The following SI variants were observed in gnomAD, a reference collection of about 807,000 sequenced individuals.
SI encodes sucrase-isomaltase, intestinal.
In SI, 235 loss-of-function variants were observed where a neutral mutation model predicts 253.3. The observed-to-expected ratio is 0.93, with a 90% CI of 0.83 to 1.03. The LOEUF (loss-of-function observed/expected upper bound fraction) is 1.03. Ranked by LOEUF, SI falls within the 50% of genes least tolerant of loss-of-function variation. SI has a pLI of 0.00. For missense variants in SI, 2,442 were observed against 2,211.1 expected (o/e 1.10, Z -2.09); for synonymous variants, 819 against 712.0 (o/e 1.15, Z -2.39).
Position 164,979,125 on chromosome 3 carries a change from A to G in SI, c.*237T>C. 2.2e-6 allele frequency: 1 copy of G among 454,884 alleles called. No homozygotes were observed. Among genetic ancestry groups the G allele is most frequent in the South Asian group, 3.3e-5 (1 of 30,688 alleles). The allele number at this position is 454,884 out of a possible 1,614,324, so 28.2% of individuals were successfully genotyped here. A position where few individuals can be genotyped will look rare whatever the true frequency, so the allele number is the denominator to read the frequency against. ...AGTTTACAATTGTAGCTGATACTTA[A>G]CAAGGATAAATAGGGCTATTCAAAT... On this transcript the variant is annotated 3_prime_UTR_variant, in exon 48 of 48. Transcript: ENST00000264382.
At chr3:165,084,134 T>TA in the SI span, among the ~76,000 whole-genome samples, 1 of 151,944 alleles carries the variant, frequency 6.6e-6, no homozygotes. Flanking sequence ...TGCTTTTCTA[T>TA]AAAAAAGGCC....
At chr3:165,038,324 T>G (rs2108214543) in intron 20 of SI, among the ~76,000 whole-genome samples, 1 of 152,130 alleles carries the variant, frequency 6.6e-6, no homozygotes, top group African/African-American at 2.4e-5. Flanking sequence ...AGTTTATGCC[T>G]TTAGGAAGGA....
intron 13 of SI, among the ~76,000 whole-genome samples, chr3:165,050,675 T>C (rs573935627): frequency 2.0e-5 from 3 of 152,264 alleles, no homozygotes; most frequent in East Asian, 3.9e-4. Context: ...AGGACTTCTA[T>C]AAGCCTTATT....
intron 3 of SI, among the ~76,000 whole-genome samples, chr3:165,070,279 T>TTATATACATATATAATTATATATGTA (rs1450361269): frequency 9.0e-4 from 117 of 129,556 alleles, no homozygotes; most frequent in African/African-American, 3.1e-3. Context: ...ACATATATGA[T>TTATATACATATATAATTATATATGTA]TATATACATA....
At position 165,063,596 on chromosome 3, in the gene SI, G is replaced by A. The variant is rs537980076; in HGVS notation, c.808-55C>T. The A allele has an allele frequency of 3.1e-3, 2,404 of 783,950 alleles. 11 individuals carry two copies. The highest frequency in any genetic ancestry group is 4.9e-3 in the Non-Finnish European group (2,215 of 455,588). 48.6% of individuals were successfully genotyped at this position (783,950 alleles called of 1,614,324 possible). A position where few individuals can be genotyped will look rare whatever the true frequency, so the allele number is the denominator to read the frequency against. ...TTCAAATATGTTTAAAACACAAAAAGATTATATATTTTATATGCTCTTCAT... is the reference window on the plus strand; with the variant it reads ...TTCAAATATGTTTAAAACACAAAAAAATTATATATTTTATATGCTCTTCAT... On this transcript the variant is annotated intron_variant, in intron 7 of 47. Transcript: ENST00000264382.
chr3:165,066,665 G>A (rs1224977760), intron 6 of SI, among the ~76,000 whole-genome samples: 1 of 151,654 alleles, frequency 6.6e-6, no homozygotes, highest in Non-Finnish European at 1.5e-5. Flanking sequence ...AACATATAAG[G>A]GAGATCATAC....
intron 24 of SI, 94 bp from the exon 25 acceptor site, chr3:165,030,961 A>G: frequency 6.9e-7 from 1 of 1,445,034 alleles, no homozygotes; most frequent in Non-Finnish European, 9.1e-7. Context: ...GATGATTTAA[A>G]AAAACATTTT....
chr3:165,081,358 T>A (rs1318579658), upstream of SI, among the ~76,000 whole-genome samples: 2 of 151,996 alleles, frequency 1.3e-5, no homozygotes, highest in Non-Finnish European at 2.9e-5. Flanking sequence ...GAATCATAAC[T>A]GGTGATTGAC....
rs904644474 is a variant in SI, at chr3:165,031,359, A to AAT, written c.2737-494_2737-493dup. 8.1e-4 allele frequency among the ~76,000 whole-genome samples: 119 copies of AAT among 147,280 alleles called. No individual in the cohort carries two copies. In the East Asian group the frequency reaches 8.3e-3, roughly 10 times the overall value. The stretch of plus-strand genomic sequence containing the variant: ...AGAATTATGAAGATTATATATATAT[A>AAT]ATATATATATATTTATAAGCATAAA... On this transcript the variant is annotated intron_variant, in intron 24 of 47. Coordinates refer to ENST00000264382, the MANE Select transcript of SI (RefSeq NM_001041.4).
intron 38 of SI, 78 bp downstream of exon 38, chr3:164,998,462 G>T: frequency 6.9e-7 from 1 of 1,456,030 alleles, no homozygotes; most frequent in Non-Finnish European, 9.6e-7. Context: ...ACTTATAAAT[G>T]TTATGACCTA....
chr3:164,985,665 C>G (rs1174401844), intron 45 of SI, among the ~76,000 whole-genome samples: 1 of 152,094 alleles, frequency 6.6e-6, no homozygotes, highest in Non-Finnish European at 1.5e-5. Context: ...AGAGAACTGT[C>G]AACTTCACAC....
intron 17 of SI, among the ~76,000 whole-genome samples, chr3:165,041,812 T>C (rs1261226908): frequency 2.6e-5 from 4 of 152,068 alleles, no homozygotes; most frequent in Non-Finnish European, 2.9e-5. Context: ...CTGAATCCAC[T>C]ATTAAGTTTG....
intron 16 of SI, among the ~76,000 whole-genome samples, chr3:165,046,022 G>A (rs1007474134): frequency 6.6e-6 from 1 of 151,424 alleles, no homozygotes; most frequent in South Asian, 2.1e-4. Flanking sequence ...GTAGAGACAG[G>A]GTTTCACCAT....
chr3:165,084,945 TTAC>T, the SI span, among the ~76,000 whole-genome samples: 2 of 152,110 alleles, frequency 1.3e-5, no homozygotes, highest in Non-Finnish European at 2.9e-5. Context: ...ACTGTGAGGC[TTAC>T]CTACTTTTAA....
the SI span, among the ~76,000 whole-genome samples, chr3:165,084,088 AG>A: frequency 6.6e-6 from 1 of 152,150 alleles, no homozygotes; most frequent in South Asian, 2.1e-4. Flanking sequence ...GGAGGTAATT[AG>A]GTCATTGAGA....
intron 18 of SI, among the ~76,000 whole-genome samples, chr3:165,040,419 T>C: frequency 1.3e-5 from 2 of 152,222 alleles, no homozygotes; most frequent in Middle Eastern, 3.4e-3. Flanking sequence ...TATTTTCTCC[T>C]ATAAGATAGG....
At chr3:165,048,458 C>A (rs1417919872) in intron 15 of SI, among the ~76,000 whole-genome samples, 1 of 150,114 alleles carries the variant, frequency 6.7e-6, no homozygotes, top group East Asian at 2.0e-4. Context: ...TTGTGAGATG[C>A]AAGCTTAAAA....
chr3:165,006,815 C>T lies in SI; in HGVS notation c.4406+1G>A. On this transcript the variant is annotated splice_donor_variant, in intron 37 of 47. Coordinates refer to ENST00000264382, the MANE Select transcript of SI (RefSeq NM_001041.4). LOFTEE classifies it high-confidence loss of function. Reference sequence around the variant, plus strand: ...AGAGGATAATTCAGAACATTGCTTACTCATGAGTAGGTTTCATCTGTGACC... The same window carrying T: ...AGAGGATAATTCAGAACATTGCTTATTCATGAGTAGGTTTCATCTGTGACC... 2 of 1,611,708 alleles carry T rather than the reference C, an allele frequency of 1.2e-6. No homozygotes were observed. Among genetic ancestry groups the T allele is most frequent in the South Asian group, 2.2e-5 (2 of 91,034 alleles).
chr3:165,062,567 G>C, intron 8 of SI, 84 bp from the exon 9 acceptor site: 1 of 702,518 alleles, frequency 1.4e-6, no homozygotes, highest in South Asian at 1.5e-5. Flanking sequence ...AAATTAATTT[G>C]TATTAACTAC....
Sources: allele counts gnomAD v4.1 joint callset (sites outside exome capture counted in the v4.1 genomes callset), GRCh38; gene constraint gnomAD v4.1.1; transcripts MANE v1.5; gene names NCBI Gene and HGNC (gene_info 2026-07-23, HGNC 2026-07-21).